SNTG1: variants seen among roughly 807,000 people sequenced by gnomAD.
The protein encoded by SNTG1 is syntrophin gamma 1.
A neutral mutation model predicts 74.7 loss-of-function variants in SNTG1; 39 were observed. That is an observed-to-expected ratio of 0.52 (90% CI 0.40 to 0.68). The LOEUF (loss-of-function observed/expected upper bound fraction) is 0.68, where lower values mean the gene tolerates loss of function less well. Ranked by LOEUF, SNTG1 falls within the 30% of genes least tolerant of loss-of-function variation. The pLI is 0.00. For synonymous variants in SNTG1, 254 were observed against 217.1 expected (o/e 1.17, Z -1.49); for missense variants, 685 against 609.5 (o/e 1.12, Z -1.30).
At chr8:50,265,147 A>G (rs904860577) in intron 2 of SNTG1, among the ~76,000 whole-genome samples, 21 of 152,148 alleles carry the variant, frequency 1.4e-4, no homozygotes, top group Non-Finnish European at 1.5e-5. Flanking sequence ...TATTAATACC[A>G]CAATATCATA....
At chr8:50,033,337 T>C (rs927268867) in intron 1 of SNTG1, among the ~76,000 whole-genome samples, 1 of 152,118 alleles carries the variant, frequency 6.6e-6, no homozygotes, top group Non-Finnish European at 1.5e-5. Context: ...TTGGTCAGGC[T>C]GGTCTCGAAC....
chr8:50,659,037 A>G (rs1332448598), intron 15 of SNTG1, among the ~76,000 whole-genome samples: 1 of 152,088 alleles, frequency 6.6e-6, no homozygotes, highest in East Asian at 1.9e-4. Context: ...ATAAAATGCA[A>G]AAGAGAAAGA....
intron 4 of SNTG1, among the ~76,000 whole-genome samples, chr8:50,408,589 A>G (rs909326298): frequency 1.3e-5 from 2 of 152,154 alleles, no homozygotes; most frequent in African/African-American, 2.4e-5. Flanking sequence ...CCCACTGACC[A>G]TGAAGGATAA....
At chr8:50,186,196 CT>C (rs2083377575) in intron 2 of SNTG1, among the ~76,000 whole-genome samples, 1 of 152,080 alleles carries the variant, frequency 6.6e-6, no homozygotes, top group Non-Finnish European at 1.5e-5. Context: ...TTTTTTATGG[CT>C]GCATAGTATT....
chr8:50,247,293 G>A (rs899514794), intron 2 of SNTG1, among the ~76,000 whole-genome samples: 2 of 152,088 alleles, frequency 1.3e-5, no homozygotes, highest in African/African-American at 4.8e-5. Context: ...TGTTCATAAA[G>A]CATCAGTGAT....
At chr8:49,958,427 CTT>C (rs143825343) in intron 1 of SNTG1, among the ~76,000 whole-genome samples, 16 of 144,364 alleles carry the variant, frequency 1.1e-4, no homozygotes, top group Admixed American at 2.8e-4. Flanking sequence ...TGTTTTCTTT[CTT>C]TTTTTTTTTT....
At chr8:50,764,361 G>A (rs1215615097) in intron 18 of SNTG1, among the ~76,000 whole-genome samples, 3 of 151,862 alleles carry the variant, frequency 2.0e-5, no homozygotes, top group African/African-American at 7.2e-5. Context: ...ATATTTATAA[G>A]CTGTACATGT....
At chr8:50,613,295 C>T (rs542482326) in intron 13 of SNTG1, among the ~76,000 whole-genome samples, 2 of 152,140 alleles carry the variant, frequency 1.3e-5, no homozygotes, top group African/African-American at 4.8e-5. Flanking sequence ...GTTTAGGGTA[C>T]CTTTATTTTG....
rs1190398995 is a variant in SNTG1, at chr8:50,794,138, T to A, written c.*1309T>A. On this transcript the variant is annotated 3_prime_UTR_variant, in exon 19 of 19. Transcript: ENST00000642720. Reference sequence around the variant, plus strand: ...TGTATGTAAAAAAAAAAAAAAATTTTTATTGATACACATGCTCCCAGGTAA... The same window carrying A: ...TGTATGTAAAAAAAAAAAAAAATTTATATTGATACACATGCTCCCAGGTAA... 6.6e-6 allele frequency: 1 copy of A among 151,884 alleles called. No individual in the cohort carries two copies. The highest frequency in any genetic ancestry group is 1.5e-5 in the Non-Finnish European group (1 of 67,902). 9.4% of individuals were successfully genotyped at this position (151,884 alleles called of 1,614,324 possible).
intron 8 of SNTG1, among the ~76,000 whole-genome samples, chr8:50,454,321 C>A (rs536364677): frequency 1.3e-5 from 2 of 150,930 alleles, no homozygotes; most frequent in Admixed American, 1.3e-4. Context: ...ATGGTGAAAT[C>A]CCATCTCTAC....
At chr8:50,766,118 T>C (rs2095612923) in intron 18 of SNTG1, among the ~76,000 whole-genome samples, 1 of 152,030 alleles carries the variant, frequency 6.6e-6, no homozygotes, top group Non-Finnish European at 1.5e-5. Context: ...TGGAGGCCAC[T>C]GTCTGCATAA....
chr8:50,140,546 A>T (rs2081621114), intron 1 of SNTG1, among the ~76,000 whole-genome samples: 1 of 151,960 alleles, frequency 6.6e-6, no homozygotes, highest in Non-Finnish European at 1.5e-5. Flanking sequence ...GAAACTGTGT[A>T]TGAGAATGTT....
At chr8:50,518,703 A>C (rs985207556) in intron 9 of SNTG1, among the ~76,000 whole-genome samples, 5 of 152,244 alleles carry the variant, frequency 3.3e-5, no homozygotes, top group Non-Finnish European at 5.9e-5. Context: ...TAGAAAATCT[A>C]GAAGAAATGG....
chr8:50,202,051 C>G (rs1332731401), intron 2 of SNTG1, among the ~76,000 whole-genome samples: 1 of 152,100 alleles, frequency 6.6e-6, no homozygotes, highest in African/African-American at 2.4e-5. Context: ...TGCATTTAGC[C>G]TTATAGACAA....
chr8:50,233,524 G>A (rs1468929630), intron 2 of SNTG1, among the ~76,000 whole-genome samples: 1 of 151,690 alleles, frequency 6.6e-6, no homozygotes, highest in Non-Finnish European at 1.5e-5. Flanking sequence ...AGACTTCTTA[G>A]ACATGAACAC....
At chr8:50,669,595 C>A (rs940304345) in intron 15 of SNTG1, among the ~76,000 whole-genome samples, 9 of 152,068 alleles carry the variant, frequency 5.9e-5, no homozygotes, top group African/African-American at 9.7e-5. Flanking sequence ...GACTCACAGC[C>A]GAATTCTACC....
At position 50,795,234 on chromosome 8, in the gene SNTG1, G is replaced by T; in HGVS notation, c.*2405G>T. 1 of 151,844 alleles carries T rather than the reference G, an allele frequency of 6.6e-6. No homozygotes were observed. Among genetic ancestry groups the T allele is most frequent in the East Asian group, 1.9e-4 (1 of 5,178 alleles). 9.4% of individuals were successfully genotyped at this position (151,844 alleles called of 1,614,324 possible). On this transcript the variant is annotated 3_prime_UTR_variant, in exon 19 of 19. Coordinates refer to ENST00000642720, the MANE Select transcript of SNTG1 (RefSeq NM_018967.5). ...ATACTATTGATAAAAAACATAAGCCGTGATTTTTATTTAACATGATTAGTA... is the reference window on the plus strand; with the variant it reads ...ATACTATTGATAAAAAACATAAGCCTTGATTTTTATTTAACATGATTAGTA...
rs180897089 is a variant in SNTG1 at position 50,390,934 on chromosome 8, T to C, written c.-27-3278T>C. 2.0e-5 allele frequency among the ~76,000 whole-genome samples: 3 copies of C among 152,292 alleles called. No homozygotes were observed. The East Asian group carries it at 5.8e-4, about 30-fold the overall frequency. ...CACATTGATTTTGTATCCTGAAACT[T>C]TGCTAAAGTTGCTTATCAGCTTCAG... On this transcript the variant is annotated intron_variant, in intron 2 of 18. Transcript: ENST00000642720.
chr8:49,987,178 A>C (rs1028629135), intron 1 of SNTG1, among the ~76,000 whole-genome samples: 48 of 152,330 alleles, frequency 3.2e-4, no homozygotes, highest in African/African-American at 1.1e-3. Context: ...AGTCATATCT[A>C]AGCAGATGGT....
Sources: gnomAD v4.1 joint callset for allele counts (sites outside exome capture counted in the v4.1 genomes callset) on GRCh38, gnomAD v4.1.1 for gene constraint, MANE v1.5 for transcripts, NCBI Gene and HGNC (gene_info 2026-07-23, HGNC 2026-07-21) for gene names.